IQCB1: variants seen among roughly 807,000 people sequenced by gnomAD.
IQCB1 encodes IQ motif containing B1, also known as IQ calmodulin-binding motif-containing protein 1.
In IQCB1, 56 loss-of-function variants were observed where a neutral mutation model predicts 84.4. The observed-to-expected ratio is 0.66, with a 90% CI of 0.54 to 0.83. The LOEUF (loss-of-function observed/expected upper bound fraction) is 0.83, where lower values mean the gene tolerates loss of function less well. Ranked by LOEUF, IQCB1 falls within the 40% of genes least tolerant of loss-of-function variation. The probability of loss-of-function intolerance (pLI) is 0.00; values close to 1 mark genes in which losing one functional copy is unlikely to be tolerated. For missense variants in IQCB1, 629 were observed against 682.1 expected, an observed-to-expected ratio of 0.92 and a Z score of 0.87; for synonymous variants, 210 against 234.8, an observed-to-expected ratio of 0.89 and a Z score of 0.96.
At chr3:121,824,889 T>C (rs1330754267) in intron 5 of IQCB1, among the ~76,000 whole-genome samples, 1 of 152,134 alleles carries the variant, frequency 6.6e-6, no homozygotes, top group African/African-American at 2.4e-5. Context: ...TTAACACTTA[T>C]AGAACATTAC....
chr3:121,825,499 T>TA (rs1387399551), intron 5 of IQCB1, among the ~76,000 whole-genome samples: 4 of 152,112 alleles, frequency 2.6e-5, no homozygotes, highest in African/African-American at 9.7e-5. Flanking sequence ...TAGAAATTGA[T>TA]AACAATAAAG....
chr3:121,822,201 C>T (rs1472659617), intron 5 of IQCB1, among the ~76,000 whole-genome samples: 1 of 152,240 alleles, frequency 6.6e-6, no homozygotes, highest in Non-Finnish European at 1.5e-5. Context: ...AGCTTACCAA[C>T]TGCAAATCTC....
chr3:121,802,641 G>A (rs927039736), intron 7 of IQCB1, among the ~76,000 whole-genome samples: 23 of 152,028 alleles, frequency 1.5e-4, no homozygotes, highest in African/African-American at 4.3e-4. Flanking sequence ...TCTCTATCAC[G>A]TTTGCTTAGA....
At chr3:121,777,327 A>G (rs944766815) in intron 13 of IQCB1, among the ~76,000 whole-genome samples, 1 of 152,226 alleles carries the variant, frequency 6.6e-6, no homozygotes, top group Admixed American at 6.5e-5. Context: ...CTTAAATGGT[A>G]TAGACTACTA....
In IQCB1 at chr3:121,792,339, AAAG is replaced by A. The variant is rs1949014993; in HGVS notation, c.987-2127_987-2125del. Among the ~76,000 whole-genome samples the A allele has an allele frequency of 3.3e-5, 5 of 152,112 alleles. No individual in the cohort carries two copies. The South Asian group carries it at 1.0e-3, about 31-fold the overall frequency. On this transcript the variant is annotated intron_variant, in intron 10 of 14. Transcript: ENST00000310864. ...GACTATGGAGCATGAAGGTGGAAGT[AAAG>A]TACAAACCAGAAAGACAGGACAAAA...
At chr3:121,774,868 C>T (rs946937082) in intron 13 of IQCB1, among the ~76,000 whole-genome samples, 12 of 152,106 alleles carry the variant, frequency 7.9e-5, no homozygotes, top group Admixed American at 2.0e-4. Flanking sequence ...TACCAAACTA[C>T]ATTTAAACAT....
At chr3:121,789,143 C>A (rs1319403606) in intron 11 of IQCB1, among the ~76,000 whole-genome samples, 1 of 152,028 alleles carries the variant, frequency 6.6e-6, no homozygotes, top group Admixed American at 6.6e-5. Flanking sequence ...CTGTGGATAT[C>A]CAGGTAAAGC....
chr3:121,813,553 G>C (rs962808651), intron 5 of IQCB1, among the ~76,000 whole-genome samples: 18 of 151,950 alleles, frequency 1.2e-4, no homozygotes, highest in Non-Finnish European at 2.4e-4. Context: ...ACACACATAG[G>C]CTCAAAATAA....
chr3:121,796,059 G>A (rs1949182188), intron 9 of IQCB1, among the ~76,000 whole-genome samples: 1 of 151,996 alleles, frequency 6.6e-6, no homozygotes, highest in Non-Finnish European at 1.5e-5. Flanking sequence ...CCAGTCTCCT[G>A]TTTACTTAAT....
chr3:121,772,759 A>T, intron 13 of IQCB1, 46 bp from the exon 14 acceptor site: 1 of 1,594,482 alleles, frequency 6.3e-7, no homozygotes, highest in Non-Finnish European at 8.6e-7. Context: ...GGACATAGGT[A>T]TCAAAGTACC....
chr3:121,820,420 G>C (rs1950232045), intron 5 of IQCB1, among the ~76,000 whole-genome samples: 1 of 152,006 alleles, frequency 6.6e-6, no homozygotes, highest in Non-Finnish European at 1.5e-5. Context: ...CATCTCTAAG[G>C]CTCTGAACAC....
chr3:121,821,291 CTCTA>C (rs1171427841), intron 5 of IQCB1, among the ~76,000 whole-genome samples: 1 of 152,196 alleles, frequency 6.6e-6, no homozygotes, highest in African/African-American at 2.4e-5. Flanking sequence ...AATGAGAATA[CTCTA>C]TCTAACTCTG....
intron 7 of IQCB1, among the ~76,000 whole-genome samples, chr3:121,803,282 C>T (rs1336574847): frequency 6.6e-6 from 1 of 152,170 alleles, no homozygotes; most frequent in Non-Finnish European, 1.5e-5. Context: ...TCTGGATCTC[C>T]TGGACTTAAG....
At chr3:121,804,067 T>C (rs187948735) in intron 7 of IQCB1, among the ~76,000 whole-genome samples, 9 of 152,208 alleles carry the variant, frequency 5.9e-5, no homozygotes, top group Non-Finnish European at 1.2e-4. Context: ...GCTTATCAGC[T>C]GTAAATTCTT....
At position 121,822,788 on chromosome 3, in the gene IQCB1, C is replaced by A. The variant is rs1280916285; in HGVS notation, c.393+3263G>T. ...AAACCTCTCCAAAGAAAGGCTAAAA[C>A]CAAGCCTCCACAGGAACAATTGATC... On this transcript the variant is annotated intron_variant, in intron 5 of 14. Coordinates refer to ENST00000310864, the MANE Select transcript of IQCB1 (RefSeq NM_001023570.4). 2.0e-5 allele frequency among the ~76,000 whole-genome samples: 3 copies of A among 152,158 alleles called. No individual in the cohort carries two copies. In the East Asian group the frequency reaches 5.8e-4, roughly 29 times the overall value.
intron 5 of IQCB1, among the ~76,000 whole-genome samples, chr3:121,810,829 T>A (rs187334022): frequency 2.6e-5 from 4 of 152,096 alleles, no homozygotes; most frequent in Non-Finnish European, 5.9e-5. Context: ...ATTCCTATAG[T>A]TTATGTGGCT....
intron 12 of IQCB1, among the ~76,000 whole-genome samples, chr3:121,786,175 G>GAAAAGAAAAGAAAAGAAAAA (rs1559760735): frequency 8.1e-6 from 1 of 122,864 alleles, no homozygotes; most frequent in Non-Finnish European, 1.8e-5. Flanking sequence ...TGTCTCAAAA[G>GAAAAGAAAAGAAAAGAAAAA]AAAAGAAAAG....
Position 121,826,053 on chromosome 3 carries a change from T to C in IQCB1, c.391A>G (p.Lys131Glu). Residue 131 changes from lysine to glutamate, a missense_variant and splice_region_variant, in exon 5 of 15, where the codon AAG (lysine) becomes GAG (glutamate). Transcript: ENST00000310864. ...QLQTCFINAA[K>E]AEEKDELLHF... ...CAAAAGACTAAATAAACACATACCT[T>C]AGCTGCATTGATAAAACATGTTTGT... 6.2e-7 allele frequency: 1 copy of C among 1,612,272 alleles called. No individual in the cohort carries two copies. The highest frequency in any genetic ancestry group is 8.5e-7 in the Non-Finnish European group (1 of 1,178,438).
Position 121,788,230 on chromosome 3 carries a change from G to A in IQCB1, c.1278+54C>T, listed in dbSNP as rs1576555657. The A allele has an allele frequency of 1.5e-5, 23 of 1,554,430 alleles. No individual in the cohort carries two copies. The East Asian group carries it at 5.2e-4, about 35-fold the overall frequency. The stretch of plus-strand genomic sequence containing the variant: ...ACAGGTAATTAGCAAAGTCAGTTTT[G>A]AACTCATGTTTTTGCCTCTTGATTC... On this transcript the variant is annotated intron_variant, in intron 12 of 14. Transcript: ENST00000310864.
Sources: allele counts gnomAD v4.1 joint callset (sites outside exome capture counted in the v4.1 genomes callset), GRCh38; gene constraint gnomAD v4.1.1; transcripts MANE v1.5; gene names NCBI Gene and HGNC (gene_info 2026-07-23, HGNC 2026-07-21).